MLLT1: variants seen among roughly 807,000 people sequenced by gnomAD.
MLLT1 encodes MLLT1 super elongation complex subunit.
MLLT1 carries 11 observed loss-of-function variants against 55.1 expected under a neutral mutation model. The ratio of observed to expected loss-of-function variants is 0.20; its 90% CI spans 0.13 to 0.33. The LOEUF (loss-of-function observed/expected upper bound fraction) is 0.33, where lower values mean the gene tolerates loss of function less well. Among genes scored for constraint, MLLT1 ranks in the 10% least tolerant of loss-of-function variants. The pLI is 1.00. For missense variants in MLLT1, 536 were observed against 760.6 expected (o/e 0.70, Z 3.47); for synonymous variants, 323 against 320.1 (o/e 1.01, Z -0.10).
At chr19:6,234,858 T>C (rs1265379479) in intron 3 of MLLT1, among the ~76,000 whole-genome samples, 1 of 149,030 alleles carries the variant, frequency 6.7e-6, no homozygotes, top group East Asian at 2.0e-4. Flanking sequence ...AACCAAAGAA[T>C]CACAGCGTGT....
chr19:6,213,727 T>C lies in MLLT1; in HGVS notation c.1478A>G (p.Lys493Arg), dbSNP rs759158747. ...EKILKKGTYD[K>R]AYTDELVELH... ...GCCTTGTCGTAGGTGCCCCCCCACC[T>C]TGTCGTAGGTGCCCTTCTTGAGGAT... The change falls in exon 10 of 12, where the codon AAG becomes AGG. Residue 493 changes from lysine to arginine, a missense_variant and splice_region_variant. This residue lies in a region of MLLT1 where 449 missense variants were observed against 489.0 expected (regional missense o/e 0.92). Transcript: ENST00000252674. 1.6e-6 allele frequency: 2 copies of C among 1,256,186 alleles called. No homozygotes were observed. Among genetic ancestry groups the C allele is most frequent in the East Asian group, 1.0e-4 (2 of 19,950 alleles). 77.8% of individuals were successfully genotyped at this position (1,256,186 alleles called of 1,614,324 possible).
At chr19:6,247,948 T>A (rs1568288744) in intron 3 of MLLT1, among the ~76,000 whole-genome samples, 1 of 152,274 alleles carries the variant, frequency 6.6e-6, no homozygotes, top group East Asian at 1.9e-4. Context: ...TGGAGTGCAG[T>A]GGTGTGATCT....
chr19:6,266,350 C>G (rs1235478487), intron 2 of MLLT1, among the ~76,000 whole-genome samples: 1 of 151,370 alleles, frequency 6.6e-6, no homozygotes, highest in Non-Finnish European at 1.5e-5. Flanking sequence ...AATTCCCAAA[C>G]CACAAAACTA....
At position 6,240,193 on chromosome 19, in the gene MLLT1, C is replaced by G. The variant is rs74589067; in HGVS notation, c.277-9480G>C. Among the ~76,000 whole-genome samples the G allele has an allele frequency of 1.3e-4, 20 of 152,344 alleles. No homozygotes were observed. Among genetic ancestry groups the G allele is most frequent in the African/African-American group, 4.6e-4 (19 of 41,594 alleles). On this transcript the variant is annotated intron_variant, in intron 3 of 11. Transcript: ENST00000252674. The surrounding 1 kb of genome is among the most constrained non-coding windows in gnomAD (Gnocchi z 4.7). Reference sequence around the variant, plus strand: ...CCTTCACGCCTGCCTGACCGCTCAGCCTGGGAGGCCAGGGAGACCCCAGAG... The same window carrying G: ...CCTTCACGCCTGCCTGACCGCTCAGGCTGGGAGGCCAGGGAGACCCCAGAG...
chr19:6,262,381 C>A lies in MLLT1; in HGVS notation c.194-71G>T. 1.5e-6 allele frequency: 2 copies of A among 1,345,740 alleles called. No individual in the cohort carries two copies. Among genetic ancestry groups the A allele is most frequent in the Non-Finnish European group, 2.1e-6 (2 of 949,944 alleles). 83.4% of individuals were successfully genotyped at this position (1,345,740 alleles called of 1,614,324 possible). On this transcript the variant is annotated intron_variant, in intron 2 of 11. Coordinates refer to ENST00000252674, the MANE Select transcript of MLLT1 (RefSeq NM_005934.4). The surrounding 1 kb of genome is among the most constrained non-coding windows in gnomAD (Gnocchi z 4.4). ...TCAGGCCCAGCTGCCAGCGGCAGTA[C>A]CGCACCCCTCAACCCCACCACCTCC...
chr19:6,211,327 G>A lies in MLLT1; in HGVS notation c.*1715C>T, dbSNP rs1416042161. On this transcript the variant is annotated 3_prime_UTR_variant, in exon 12 of 12. Coordinates refer to ENST00000252674, the MANE Select transcript of MLLT1 (RefSeq NM_005934.4). This position sits in a 1 kb window ranked among gnomAD's most constrained non-coding sequence, Gnocchi z 4.6. ...AGGCAGTGGGGCCGGGAGAGAAACA[G>A]AGCAGGTGGCGAGGAGTCCCGGAGG... is the stretch of plus-strand genomic sequence containing the variant. 4.3e-6 allele frequency: 1 copy of A among 232,726 alleles called. No individual in the cohort carries two copies. The highest frequency in any genetic ancestry group is 5.6e-5 in the Admixed American group (1 of 17,768). 14.4% of individuals were successfully genotyped at this position (232,726 alleles called of 1,614,324 possible). A position where few individuals can be genotyped will look rare whatever the true frequency, so the allele number is the denominator to read the frequency against.
At chr19:6,247,198 G>T (rs2091176672) in intron 3 of MLLT1, among the ~76,000 whole-genome samples, 1 of 152,184 alleles carries the variant, frequency 6.6e-6, no homozygotes, top group Non-Finnish European at 1.5e-5. Flanking sequence ...AAGGGTGGGG[G>T]TGGTTTCCTA....
At chr19:6,251,735 A>C (rs1300835539) in intron 3 of MLLT1, among the ~76,000 whole-genome samples, 2 of 151,598 alleles carry the variant, frequency 1.3e-5, no homozygotes, top group African/African-American at 4.9e-5. Context: ...GACCAGCCTG[A>C]GCAACATGAC....
chr19:6,264,450 G>A (rs1434681452), intron 2 of MLLT1, among the ~76,000 whole-genome samples: 1 of 151,934 alleles, frequency 6.6e-6, no homozygotes, highest in East Asian at 1.9e-4. Context: ...ATCACATAAC[G>A]CTCAGGAGCT....
At chr19:6,216,716 G>A in intron 7 of MLLT1, 2 of 566,222 alleles carry the variant, frequency 3.5e-6, no homozygotes, top group South Asian at 2.1e-5. Context: ...GAACGCCCTG[G>A]CTCCCCCACC....
In MLLT1 at chr19:6,227,393, T is replaced by C. The variant is rs1392545564; in HGVS notation, c.421-291A>G. 6.6e-6 allele frequency among the ~76,000 whole-genome samples: 1 copy of C among 152,120 alleles called. No individual in the cohort carries two copies. Among genetic ancestry groups the C allele is most frequent in the Admixed American group, 6.5e-5 (1 of 15,274 alleles). On this transcript the variant is annotated intron_variant, in intron 4 of 11. Transcript: ENST00000252674. The surrounding 1 kb of genome is among the most constrained non-coding windows in gnomAD (Gnocchi z 5.1). ...GACCGGAGGGCTGGCCCAAGAAGAC[T>C]TGCGGAGCACACTGAGAATCATGAG...
At chr19:6,276,994 C>T (rs1230626362) in intron 1 of MLLT1, among the ~76,000 whole-genome samples, 2 of 152,298 alleles carry the variant, frequency 1.3e-5, no homozygotes, top group Admixed American at 6.5e-5. Flanking sequence ...CCAAAGCCAG[C>T]GACTGGGCGG....
In MLLT1 at chr19:6,240,675, G is replaced by C. The variant is rs1050914771; in HGVS notation, c.277-9962C>G. On this transcript the variant is annotated intron_variant, in intron 3 of 11. Coordinates refer to ENST00000252674, the MANE Select transcript of MLLT1 (RefSeq NM_005934.4). The surrounding 1 kb of genome is among the most constrained non-coding windows in gnomAD (Gnocchi z 4.7). ...CAAAAGCGCTGTGGGGGTGATGTCA[G>C]ACGCACAGGGAGAGACTGGACCCCA... Among the ~76,000 whole-genome samples, 21 of 152,120 alleles carry C rather than the reference G, an allele frequency of 1.4e-4. No individual in the cohort carries two copies. The highest frequency in any genetic ancestry group is 5.1e-4 in the African/African-American group (21 of 41,422).
Position 6,259,434 on chromosome 19 carries a change from G to A in MLLT1, c.276+2794C>T, listed in dbSNP as rs80199509. 1.6e-3 allele frequency: 251 copies of A among 152,326 alleles called. 2 individuals are homozygous for A. The highest frequency in any genetic ancestry group is 5.6e-3 in the African/African-American group (233 of 41,544). The allele number at this position is 152,326 out of a possible 1,614,324, so 9.4% of individuals were successfully genotyped here. A position where few individuals can be genotyped will look rare whatever the true frequency, so the allele number is the denominator to read the frequency against. On this transcript the variant is annotated intron_variant, in intron 3 of 11. Transcript: ENST00000252674. ...TCTCAGGTATTTGGACAACTGGTGTGTGTTTACAAAGAGCTGGTTCCAATC... is the reference window on the plus strand; with the variant it reads ...TCTCAGGTATTTGGACAACTGGTGTATGTTTACAAAGAGCTGGTTCCAATC...
intron 3 of MLLT1, among the ~76,000 whole-genome samples, chr19:6,257,643 A>G (rs899895418): frequency 6.6e-6 from 1 of 152,170 alleles, no homozygotes; most frequent in Non-Finnish European, 1.5e-5. Context: ...AGTACTAAAA[A>G]TACAAAAATT....
rs114523955 is a variant in MLLT1 at position 6,273,416 on chromosome 19, C to T, written c.13-2657G>A. On this transcript the variant is annotated intron_variant, in intron 1 of 11. Coordinates refer to ENST00000252674, the MANE Select transcript of MLLT1 (RefSeq NM_005934.4). The surrounding 1 kb of genome is among the most constrained non-coding windows in gnomAD (Gnocchi z 4.3). The stretch of plus-strand genomic sequence containing the variant: ...AAGTGGGGATGGACGGAAGATCAGG[C>T]GCACTCATAAACCCCCGGCGCTGCG... 1.3e-3 allele frequency among the ~76,000 whole-genome samples: 201 copies of T among 152,256 alleles called. No individual in the cohort carries two copies. The highest frequency in any genetic ancestry group is 4.5e-3 in the African/African-American group (188 of 41,554).
In MLLT1 at chr19:6,251,092, T is replaced by TG. The variant is rs530481916; in HGVS notation, c.276+11135dup. On this transcript the variant is annotated intron_variant, in intron 3 of 11. Coordinates refer to ENST00000252674, the MANE Select transcript of MLLT1 (RefSeq NM_005934.4). ...GAGTAGCTGCCAGGAACAGTGGCGA[T>TG]GGGGGGAACGGGAAACAGCTGCTTA... 4.7e-4 allele frequency among the ~76,000 whole-genome samples: 72 copies of TG among 151,688 alleles called. No homozygotes were observed. In the East Asian group the frequency reaches 0.014, roughly 29 times the overall value.
chr19:6,275,307 G>A (rs1012950044), intron 1 of MLLT1, among the ~76,000 whole-genome samples: 1 of 152,170 alleles, frequency 6.6e-6, no homozygotes, highest in African/African-American at 2.4e-5. Context: ...GGAGAACACT[G>A]AGGAGTCGTT....
intron 1 of MLLT1, among the ~76,000 whole-genome samples, chr19:6,279,112 G>C (rs2091443456): frequency 6.6e-6 from 1 of 152,058 alleles, no homozygotes; most frequent in Non-Finnish European, 1.5e-5. Context: ...TGGAGATAAA[G>C]CTTAGGCTGG....
Sources: allele counts gnomAD v4.1 joint callset (sites outside exome capture counted in the v4.1 genomes callset), GRCh38; gene constraint gnomAD v4.1.1; regional missense constraint gnomAD v4.1.1; non-coding constraint Gnocchi (gnomAD v3.1); transcripts MANE v1.5; gene names NCBI Gene and HGNC (gene_info 2026-07-23, HGNC 2026-07-21).